Variants in VWDE observed in about 807,000 individuals in gnomAD.
VWDE encodes von Willebrand factor D and EGF domains, also known as von Willebrand factor D and EGF domain-containing protein.
VWDE carries 207 observed loss-of-function variants against 178.4 expected under a neutral mutation model. The ratio of observed to expected loss-of-function variants is 1.16; its 90% CI spans 1.04 to 1.30. VWDE has a LOEUF of 1.30. VWDE is among the 50% of genes most tolerant of loss of function. The pLI, the probability that VWDE is intolerant of heterozygous loss-of-function variation, is 0.00. For missense variants in VWDE, 2,287 were observed against 1,901.3 expected, an observed-to-expected ratio of 1.20 and a Z score of -3.77; for synonymous variants, 738 against 651.4, an observed-to-expected ratio of 1.13 and a Z score of -2.02.
chr7:12,377,888 A>G lies in VWDE; in HGVS notation c.912T>C (p.Asp304=), dbSNP rs2128557667. Residue 304 remains aspartate, a synonymous_variant, in exon 7 of 29, where the codon GAT becomes GAC. Coordinates refer to ENST00000275358, the MANE Select transcript of VWDE (RefSeq NM_001135924.3). Reference sequence around the variant, plus strand: ...CTATCCTCAGGTAGTATTCTTTCCCATCCTCTGATATAGTGCTCAATTCAG... The same window carrying G: ...CTATCCTCAGGTAGTATTCTTTCCCGTCCTCTGATATAGTGCTCAATTCAG... ...LQPELSTISE[D]GKEYYLRIES... 6.6e-7 allele frequency: 1 copy of G among 1,514,924 alleles called. No individual in the cohort carries two copies. Among genetic ancestry groups the G allele is most frequent in the Middle Eastern group, 1.7e-4 (1 of 5,856 alleles). The allele number at this position is 1,514,924 out of a possible 1,614,324, so 93.8% of individuals were successfully genotyped here.
intron 16 of VWDE, among the ~76,000 whole-genome samples, chr7:12,358,329 G>A (rs1038742935): frequency 3.3e-5 from 5 of 150,882 alleles, no homozygotes; most frequent in Admixed American, 6.6e-5. Context: ...AGCTGAGATC[G>A]TGCCACTGCG....
At chr7:12,401,794 A>G (rs996635477) in intron 1 of VWDE, among the ~76,000 whole-genome samples, 3 of 152,174 alleles carry the variant, frequency 2.0e-5, no homozygotes, top group African/African-American at 7.2e-5. Flanking sequence ...TCCTAGGCAT[A>G]TATCTCGGAG....
At chr7:12,376,501 C>T (rs539548629) in intron 7 of VWDE, among the ~76,000 whole-genome samples, 2 of 152,168 alleles carry the variant, frequency 1.3e-5, no homozygotes, top group Admixed American at 1.3e-4. Flanking sequence ...TTTAGCAATG[C>T]TTGCCTTGTT....
At chr7:12,335,999 T>G in intron 27 of VWDE, 142 bp downstream of exon 27, 1 of 679,480 alleles carries the variant, frequency 1.5e-6, no homozygotes, top group Non-Finnish European at 2.4e-6. Context: ...AGTTTTTGTT[T>G]TATATCTAAA....
rs560871629 is a variant in VWDE at position 12,379,488 on chromosome 7, C to G, written c.868G>C (p.Ala290Pro). The change falls in exon 6 of 29, where the codon GCA becomes CCA. Residue 290 changes from alanine (A) to proline (P), a missense_variant. Ala to Pro is a conservative substitution (Grantham distance 27, BLOSUM62 -1). Coordinates refer to ENST00000275358, the MANE Select transcript of VWDE (RefSeq NM_001135924.3). ...CCACTGCTGCGTACCTTAAAGCCTG[C>G]AAAAAATTCTTGGCTTTCGATGGCT... Reference protein sequence around the residue: ...SVAIESQEFFAGFKLQPELST... With the variant: ...SVAIESQEFFPGFKLQPELST... 19 of 1,548,586 alleles carry G rather than the reference C, an allele frequency of 1.2e-5. No individual in the cohort carries two copies. The African/African-American group carries it at 2.3e-4, about 19-fold the overall frequency.
chr7:12,336,904 G>C, intron 26 of VWDE, 84 bp downstream of exon 26: 1 of 1,309,304 alleles, frequency 7.6e-7, no homozygotes, highest in Non-Finnish European at 1.0e-6. Flanking sequence ...GCAAACAAAA[G>C]TGAAAAAAAT....
chr7:12,346,549 G>A (rs780058962), intron 19 of VWDE, among the ~76,000 whole-genome samples: 19 of 149,508 alleles, frequency 1.3e-4, no homozygotes, highest in Non-Finnish European at 2.5e-4. Context: ...GATAAAATCA[G>A]ATTTTATGTC....
At chr7:12,333,324 A>T in intron 28 of VWDE, 141 bp downstream of exon 28, 1 of 603,730 alleles carries the variant, frequency 1.7e-6, no homozygotes, top group Non-Finnish European at 2.8e-6. Context: ...AAAATGATAC[A>T]ATTTTTAATT....
chr7:12,388,863 T>C, intron 3 of VWDE: 1 of 620,054 alleles, frequency 1.6e-6, no homozygotes, highest in Admixed American at 2.3e-5. Context: ...AAAGAATTTT[T>C]AACACACTCA....
intron 1 of VWDE, among the ~76,000 whole-genome samples, chr7:12,401,756 G>C (rs1042586758): frequency 7.2e-5 from 11 of 152,092 alleles, no homozygotes; most frequent in Non-Finnish European, 1.3e-4. Flanking sequence ...GTTAATCACA[G>C]AGTTACCCTA....
rs1490004857 is a variant in VWDE at position 12,367,865 on chromosome 7, G to A, written c.2762-372C>T. Among the ~76,000 whole-genome samples, 3 of 152,142 alleles carry A rather than the reference G, an allele frequency of 2.0e-5. No homozygotes were observed. The East Asian group carries it at 5.8e-4, about 29-fold the overall frequency. On this transcript the variant is annotated intron_variant, in intron 12 of 28. Coordinates refer to ENST00000275358, the MANE Select transcript of VWDE (RefSeq NM_001135924.3). ...CTGGGTTATAGAAAAAAATATTTCT[G>A]TAATAAAATATAGTAGTTAGTAATG...
At chr7:12,381,408 A>G (rs1160071902) in intron 4 of VWDE, among the ~76,000 whole-genome samples, 1 of 152,114 alleles carries the variant, frequency 6.6e-6, no homozygotes, top group Non-Finnish European at 1.5e-5. Flanking sequence ...GAGGAAAAAT[A>G]TCTGAGTGGT....
intron 4 of VWDE, among the ~76,000 whole-genome samples, chr7:12,381,716 A>T (rs1783861973): frequency 6.6e-6 from 1 of 151,994 alleles, no homozygotes; most frequent in African/African-American, 2.4e-5. Context: ...GAAGGAAATA[A>T]TAAACTACTT....
chr7:12,403,798 G>A lies in VWDE; in HGVS notation c.-82C>T. 7.0e-7 allele frequency: 1 copy of A among 1,429,282 alleles called. No individual in the cohort carries two copies. The highest frequency in any genetic ancestry group is 9.6e-7 in the Non-Finnish European group (1 of 1,042,676). The allele number at this position is 1,429,282 out of a possible 1,614,324, so 88.5% of individuals were successfully genotyped here. On this transcript the variant is annotated 5_prime_UTR_variant, in exon 1 of 29. Transcript: ENST00000275358. ...GAGGATGGGGCCACAGCAGCCCCTC[G>A]GGCCTCCTTTCTTGGATTTTCTCAG...
chr7:12,351,414 T>C (rs183580600), intron 19 of VWDE, among the ~76,000 whole-genome samples, 159 bp downstream of exon 19: 2 of 152,290 alleles, frequency 1.3e-5, no homozygotes, highest in East Asian at 3.9e-4. Context: ...GATGATTGAA[T>C]AGATTAGCAA....
At position 12,333,454 on chromosome 7, in the gene VWDE, C is replaced by A; in HGVS notation, c.4758+11G>T. 2 of 1,504,984 alleles carry A rather than the reference C, an allele frequency of 1.3e-6. No homozygotes were observed. The highest frequency in any genetic ancestry group is 1.2e-5 in the South Asian group (1 of 81,204). The allele number at this position is 1,504,984 out of a possible 1,614,324, so 93.2% of individuals were successfully genotyped here. The stretch of plus-strand genomic sequence containing the variant: ...GTCTAATATTTATTTTCTCTTTAAA[C>A]TCTGAAATACCTGTATTTTCTTCTC... On this transcript the variant is annotated intron_variant, in intron 28 of 28. Transcript: ENST00000275358.
intron 21 of VWDE, among the ~76,000 whole-genome samples, chr7:12,343,603 C>T (rs890529937): frequency 2.6e-5 from 4 of 152,110 alleles, no homozygotes; most frequent in South Asian, 2.1e-4. Flanking sequence ...TTTAACATGG[C>T]TCTCAGCTTA....
intron 19 of VWDE, among the ~76,000 whole-genome samples, chr7:12,348,332 A>T (rs1464194987): frequency 2.0e-5 from 3 of 149,346 alleles, no homozygotes; most frequent in Non-Finnish European, 4.4e-5. Context: ...TTCATCTGAC[A>T]AAGGGCTAAT....
chr7:12,353,757 C>T (rs1298526031), intron 18 of VWDE: 1 of 152,280 alleles, frequency 6.6e-6, no homozygotes, highest in African/African-American at 2.4e-5. Context: ...TCTTTCTCTC[C>T]CACTTCAAAA....
Sources: gnomAD v4.1 joint callset for allele counts (sites outside exome capture counted in the v4.1 genomes callset) on GRCh38, gnomAD v4.1.1 for gene constraint, MANE v1.5 for transcripts, NCBI Gene and HGNC (gene_info 2026-07-23, HGNC 2026-07-21) for gene names.